The following FRYL variants were observed in gnomAD, a reference collection of about 807,000 sequenced individuals.
The protein encoded by FRYL is protein furry homolog-like.
Under a neutral mutation model 351.2 loss-of-function variants are expected in FRYL, and 150 were observed. The ratio of observed to expected loss-of-function variants is 0.43; its 90% CI spans 0.37 to 0.49. The LOEUF (loss-of-function observed/expected upper bound fraction) is 0.49. Among genes scored for constraint, FRYL ranks in the 20% least tolerant of loss-of-function variants. The pLI is 0.00. For missense variants in FRYL, 3,036 were observed against 3,619.3 expected (o/e 0.84, Z 4.13); for synonymous variants, 1,153 against 1,257.1 (o/e 0.92, Z 1.75).
chr4:48,643,110 G>A (rs1004502094), intron 3 of FRYL, among the ~76,000 whole-genome samples: 6 of 152,148 alleles, frequency 3.9e-5, no homozygotes, highest in Non-Finnish European at 4.4e-5. Flanking sequence ...ATGGACCTGC[G>A]AATCAACACA....
chr4:48,654,099 CTTT>C (rs911067962), intron 3 of FRYL, among the ~76,000 whole-genome samples: 36 of 152,266 alleles, frequency 2.4e-4, no homozygotes, highest in African/African-American at 8.2e-4. Flanking sequence ...AGATTATCTT[CTTT>C]GTTTATGTTA....
chr4:48,728,285 G>A lies in FRYL; in HGVS notation c.-383-17587C>T, dbSNP rs867450207. 3.9e-5 allele frequency among the ~76,000 whole-genome samples: 6 copies of A among 152,062 alleles called. No homozygotes were observed. The South Asian group carries it at 1.2e-3, about 32-fold the overall frequency. On this transcript the variant is annotated intron_variant, in intron 1 of 63. Transcript: ENST00000358350. ...CATAGCAAAAAATATATATATCTGA[G>A]ATTGAAGATATCTCAATAATAACCT...
intron 9 of FRYL, among the ~76,000 whole-genome samples, chr4:48,607,076 T>C (rs1746997644): frequency 6.6e-6 from 1 of 152,170 alleles, no homozygotes; most frequent in Non-Finnish European, 1.5e-5. Flanking sequence ...TTAAAATCAA[T>C]ACATCATTAC....
intron 55 of FRYL, among the ~76,000 whole-genome samples, chr4:48,519,373 G>A (rs1197686929): frequency 6.6e-6 from 1 of 151,886 alleles, no homozygotes; most frequent in Non-Finnish European, 1.5e-5. Context: ...GAATGTCCCA[G>A]TTACCATGAA....
chr4:48,534,481 T>C, intron 49 of FRYL, 64 bp downstream of exon 49: 1 of 1,257,726 alleles, frequency 8.0e-7, no homozygotes, highest in Admixed American at 2.0e-5. Flanking sequence ...GCATTTCCAA[T>C]ATTGTGTGAT....
intron 55 of FRYL, among the ~76,000 whole-genome samples, chr4:48,516,488 A>T (rs1358669170): frequency 6.6e-6 from 1 of 152,224 alleles, no homozygotes; most frequent in African/African-American, 2.4e-5. Flanking sequence ...AGGAATAAAG[A>T]TCAGCTTCTT....
At position 48,510,878 on chromosome 4, in the gene FRYL, A is replaced by C; in HGVS notation, c.8252T>G (p.Met2751Arg). 1 of 1,613,414 alleles carries C rather than the reference A, an allele frequency of 6.2e-7. No homozygotes were observed. The highest frequency in any genetic ancestry group is 8.5e-7 in the Non-Finnish European group (1 of 1,179,550). The change falls in exon 58 of 64, where the codon ATG becomes AGG. Residue 2751 changes from methionine (M) to arginine (R), a missense_variant. Met to Arg is a moderately conservative substitution (Grantham distance 91). Around this residue, in one of 7 missense-constraint regions of FRYL, gnomAD observed 1,987 missense variants for 2,311.7 expected, o/e 0.86. Coordinates refer to ENST00000358350, the MANE Select transcript of FRYL (RefSeq NM_015030.2). Reference sequence around the variant, plus strand: ...GACTGTTGGGCATTCTGAACACAGCATCATCACTTCCAAGGAACTTTTAAA... The same window carrying C: ...GACTGTTGGGCATTCTGAACACAGCCTCATCACTTCCAAGGAACTTTTAAA... ...TKFKSSLEVM[M>R]LCSECPTVFV...
rs550505412 is a variant in FRYL at position 48,498,235 on chromosome 4, T to G, written c.*1187A>C. 2 of 152,316 alleles carry G rather than the reference T, an allele frequency of 1.3e-5. No individual in the cohort carries two copies. Among genetic ancestry groups the G allele is most frequent in the South Asian group, 4.1e-4 (2 of 4,830 alleles). The allele number at this position is 152,316 out of a possible 1,614,324, so 9.4% of individuals were successfully genotyped here. A position where few individuals can be genotyped will look rare whatever the true frequency, so the allele number is the denominator to read the frequency against. ...CATTTCCCCTAGCCCCAGGTTTCTT[T>G]AGGGTAAAGCATGTGAGTCCTGAAT... is the stretch of plus-strand genomic sequence containing the variant. On this transcript the variant is annotated 3_prime_UTR_variant, in exon 64 of 64. Coordinates refer to ENST00000358350, the MANE Select transcript of FRYL (RefSeq NM_015030.2).
chr4:48,727,626 T>G (rs1337607985), intron 1 of FRYL: 3 of 152,140 alleles, frequency 2.0e-5, no homozygotes, highest in East Asian at 1.9e-4. Context: ...GTTCTCACAG[T>G]GAATATCAGA....
intron 6 of FRYL, 29 bp downstream of exon 6, chr4:48,620,609 AG>A (rs1750470474): frequency 6.3e-7 from 1 of 1,577,998 alleles, no homozygotes; most frequent in Non-Finnish European, 8.7e-7. Flanking sequence ...TGTTAATTCC[AG>A]GTGAAACAGT....
intron 47 of FRYL, 91 bp from the exon 48 acceptor site, chr4:48,535,918 ATT>A: frequency 9.7e-7 from 1 of 1,032,468 alleles, no homozygotes; most frequent in Non-Finnish European, 1.3e-6. Flanking sequence ...TAATGAAATA[ATT>A]TAGATGTATA....
rs1327683153 is a variant in FRYL, at chr4:48,595,684, A to G, written c.1154T>C (p.Ile385Thr). The change falls in exon 15 of 64, where the codon ATA (isoleucine) becomes ACA (threonine). Residue 385 changes from isoleucine to threonine, a missense_variant. Around this residue, in one of 7 missense-constraint regions of FRYL, gnomAD observed 457 missense variants for 566.6 expected, o/e 0.81. Coordinates refer to ENST00000358350, the MANE Select transcript of FRYL (RefSeq NM_015030.2). ...GCCTTTTGGAAAAAGTGCTGACACT[A>G]TGCTCATAAGACGACTACAGGGAAA... ...NTVTQSRLMS[I>T]VSALFPKGSR... is the part of the protein sequence containing the mutation. The G allele has an allele frequency of 1.2e-6, 2 of 1,610,478 alleles. No homozygotes were observed. The highest frequency in any genetic ancestry group is 1.7e-6 in the Non-Finnish European group (2 of 1,177,386).
intron 43 of FRYL, 97 bp downstream of exon 43, chr4:48,544,686 G>T: frequency 1.1e-6 from 1 of 927,534 alleles, no homozygotes; most frequent in Non-Finnish European, 1.6e-6. Context: ...ACTTTTAGAG[G>T]TATCACAATA....
At position 48,527,464 on chromosome 4, in the gene FRYL, C is replaced by T; in HGVS notation, c.7317+13G>A. ...GTTCTATAAATATTAACAGAGAAAG[C>T]CCACATCCTTACCTCTGCATCTTCC... is the stretch of plus-strand genomic sequence containing the variant. On this transcript the variant is annotated intron_variant, in intron 53 of 63. Transcript: ENST00000358350. The T allele has an allele frequency of 6.3e-7, 1 of 1,598,456 alleles. No homozygotes were observed. The highest frequency in any genetic ancestry group is 8.5e-7 in the Non-Finnish European group (1 of 1,169,826).
At chr4:48,703,393 T>C (rs145064234) in intron 2 of FRYL, among the ~76,000 whole-genome samples, 1 of 152,334 alleles carries the variant, frequency 6.6e-6, no homozygotes, top group East Asian at 1.9e-4. Flanking sequence ...GACTGACTTC[T>C]ACGTGACCCC....
rs1480695815 is a variant in FRYL, at chr4:48,522,925, G to A, written c.7497C>T (p.Ser2499=). The A allele has an allele frequency of 6.2e-7, 1 of 1,613,694 alleles. No individual in the cohort carries two copies. The highest frequency in any genetic ancestry group is 1.1e-5 in the South Asian group (1 of 91,078). Residue 2499 remains serine, a synonymous_variant, in exon 54 of 64, where the codon AGC becomes AGT. Coordinates refer to ENST00000358350, the MANE Select transcript of FRYL (RefSeq NM_015030.2). ...SSEEEAALTA[S]QILSRTQMLN... ...CCATCTGTGTGCGTGAGAGTATCTG[G>A]CTTGCTGTAAGTGCCGCTTCTTCTT...
At chr4:48,632,999 C>G (rs535087350) in intron 4 of FRYL, among the ~76,000 whole-genome samples, 2 of 152,180 alleles carry the variant, frequency 1.3e-5, no homozygotes, top group African/African-American at 4.8e-5. Context: ...CGTCACAAAC[C>G]CTCTGAATCT....
At chr4:48,553,174 C>T (rs1250919636) in intron 36 of FRYL, 41 bp downstream of exon 36, 1 of 1,531,142 alleles carries the variant, frequency 6.5e-7, no homozygotes, top group Admixed American at 1.8e-5. Context: ...ATGAAGATGT[C>T]TATCATCTCA....
At chr4:48,695,167 C>G (rs761783505) in intron 2 of FRYL, among the ~76,000 whole-genome samples, 68 of 152,174 alleles carry the variant, frequency 4.5e-4, no homozygotes, top group Non-Finnish European at 9.4e-4. Flanking sequence ...AAACATACCC[C>G]TAAGAGAAGA....
Sources: gnomAD v4.1 joint callset for allele counts (sites outside exome capture counted in the v4.1 genomes callset) on GRCh38, gnomAD v4.1.1 for gene constraint, gnomAD v4.1.1 regional missense constraint, MANE v1.5 for transcripts, NCBI Gene and HGNC (gene_info 2026-07-23, HGNC 2026-07-21) for gene names.